EPHA6: variants seen among roughly 807,000 people sequenced by gnomAD.
EPHA6 encodes EPH receptor A6.
Under a neutral mutation model 112.0 loss-of-function variants are expected in EPHA6, and 50 were observed. The observed-to-expected ratio is 0.45, with a 90% CI of 0.36 to 0.56. EPHA6 has a LOEUF of 0.56. EPHA6 is among the 20% of genes least tolerant of loss of function. The pLI, the probability that EPHA6 is intolerant of heterozygous loss-of-function variation, is 0.00. For synonymous variants in EPHA6, 529 were observed against 490.7 expected, an observed-to-expected ratio of 1.08 and a Z score of -1.03; for missense variants, 1,280 against 1,417.4, an observed-to-expected ratio of 0.90 and a Z score of 1.56.
intron 1 of EPHA6, among the ~76,000 whole-genome samples, chr3:96,823,020 A>G (rs1471127655): frequency 6.6e-6 from 1 of 151,720 alleles, no homozygotes; most frequent in Non-Finnish European, 1.5e-5. Flanking sequence ...TTTCATTAAT[A>G]TATATTCTAA....
rs2036012525 is a variant in EPHA6, at chr3:97,755,812, A to G, written c.*7111A>G. On this transcript the variant is annotated 3_prime_UTR_variant, in exon 18 of 18. Transcript: ENST00000389672. ...GTAGCTCATCCTTAGAACAGTCTTA[A>G]TTTGGCTCTGTTCTATAAAGACTCA... 1.3e-5 allele frequency among the ~76,000 whole-genome samples: 2 copies of G among 152,064 alleles called. No homozygotes were observed. Among genetic ancestry groups the G allele is most frequent in the Admixed American group, 1.3e-4 (2 of 15,276 alleles).
intron 2 of EPHA6, among the ~76,000 whole-genome samples, chr3:96,961,779 A>C (rs982877755): frequency 6.6e-6 from 1 of 152,184 alleles, no homozygotes; most frequent in Non-Finnish European, 1.5e-5. Context: ...TAATACAAGC[A>C]CTAGGATGTC....
At chr3:97,314,104 A>T (rs2081691743) in intron 5 of EPHA6, among the ~76,000 whole-genome samples, 1 of 151,510 alleles carries the variant, frequency 6.6e-6, no homozygotes, top group African/African-American at 2.4e-5. Flanking sequence ...GTAAATATCC[A>T]GTTTGCCAAC....
chr3:96,916,250 A>G (rs1303769101), intron 2 of EPHA6, among the ~76,000 whole-genome samples: 1 of 152,144 alleles, frequency 6.6e-6, no homozygotes, highest in African/African-American at 2.4e-5. Flanking sequence ...GAGCCTTTGG[A>G]AAGTGATCAA....
At chr3:97,086,481 T>C (rs1394147422) in intron 3 of EPHA6, among the ~76,000 whole-genome samples, 2 of 152,098 alleles carry the variant, frequency 1.3e-5, no homozygotes, top group African/African-American at 4.8e-5. Flanking sequence ...ACATATTAAG[T>C]TTTTAATAAG....
chr3:96,951,638 C>G (rs1018199588), intron 2 of EPHA6, among the ~76,000 whole-genome samples: 1 of 152,022 alleles, frequency 6.6e-6, no homozygotes, highest in African/African-American at 2.4e-5. Context: ...CATATTATGT[C>G]CTTTATGGTC....
At chr3:97,331,363 T>C (rs931062471) in intron 5 of EPHA6, among the ~76,000 whole-genome samples, 1 of 151,592 alleles carries the variant, frequency 6.6e-6, no homozygotes, top group South Asian at 2.1e-4. Context: ...ACAAACACAT[T>C]CAAAAGCTAG....
chr3:96,895,531 G>A (rs1384533895), intron 2 of EPHA6, among the ~76,000 whole-genome samples: 1 of 152,164 alleles, frequency 6.6e-6, no homozygotes, highest in Non-Finnish European at 1.5e-5. Flanking sequence ...TTACAGGAAT[G>A]TCTTAGGCCT....
chr3:97,548,467 A>G (rs1278314962), intron 11 of EPHA6, among the ~76,000 whole-genome samples: 1 of 151,980 alleles, frequency 6.6e-6, no homozygotes, highest in African/African-American at 2.4e-5. Flanking sequence ...CAAATATCCT[A>G]TTTCTTCTCA....
chr3:97,515,699 A>G (rs2092436798), intron 10 of EPHA6, among the ~76,000 whole-genome samples: 1 of 152,174 alleles, frequency 6.6e-6, no homozygotes, highest in Non-Finnish European at 1.5e-5. Flanking sequence ...GAAACTATGA[A>G]TAACAGTATT....
chr3:97,448,590 C>A lies in EPHA6; in HGVS notation c.1754C>A (p.Ser585Tyr). ...CAGGAACATGAGCAGCTGACCTACT[C>A]TTCCACAAGGTCCAAAGCCCCCAGT... ...YEKEHEQLTY[S>Y]STRSKAPSVI... The change falls in exon 7 of 18, where the codon TCT (serine) becomes TAT (tyrosine). Residue 585 changes from serine to tyrosine, a missense_variant. By Grantham distance (144) the Ser-to-Tyr change is moderately radical. Coordinates refer to ENST00000389672, the MANE Select transcript of EPHA6 (RefSeq NM_001080448.3). 9 of 1,613,424 alleles carry A rather than the reference C, an allele frequency of 5.6e-6. No homozygotes were observed. In the South Asian group the frequency reaches 7.7e-5, roughly 14 times the overall value.
chr3:96,900,467 CT>C (rs143023427), intron 2 of EPHA6, among the ~76,000 whole-genome samples: 145 of 152,132 alleles, frequency 9.5e-4, no homozygotes, highest in African/African-American at 3.2e-3. Flanking sequence ...GCATGGATTA[CT>C]GAAAATAAAA....
At chr3:97,355,191 ATAG>A (rs1446869848) in intron 5 of EPHA6, among the ~76,000 whole-genome samples, 4 of 152,162 alleles carry the variant, frequency 2.6e-5, no homozygotes, top group Admixed American at 2.6e-4. Context: ...CTCAGCGGTA[ATAG>A]TAGGTACACA....
chr3:97,436,270 G>A (rs2089829028), intron 6 of EPHA6, among the ~76,000 whole-genome samples: 1 of 151,992 alleles, frequency 6.6e-6, no homozygotes, highest in African/African-American at 2.4e-5. Flanking sequence ...CTTTATTTTG[G>A]GGAGGAGAAA....
At chr3:97,707,052 T>C (rs1022331061) in intron 14 of EPHA6, among the ~76,000 whole-genome samples, 5 of 152,130 alleles carry the variant, frequency 3.3e-5, no homozygotes, top group African/African-American at 1.2e-4. Flanking sequence ...CTTTTTAAAT[T>C]GAAAATTTAG....
intron 6 of EPHA6, among the ~76,000 whole-genome samples, chr3:97,440,020 C>G (rs1423911440): frequency 1.3e-5 from 2 of 152,082 alleles, no homozygotes; most frequent in African/African-American, 4.8e-5. Context: ...TCCAGCACTC[C>G]TTTGTTTCAT....
chr3:97,182,646 A>G (rs563357979), intron 3 of EPHA6, among the ~76,000 whole-genome samples: 3 of 152,132 alleles, frequency 2.0e-5, no homozygotes, highest in Non-Finnish European at 2.9e-5. Flanking sequence ...TCTAGTTTCA[A>G]TCAGTCCTGA....
intron 3 of EPHA6, among the ~76,000 whole-genome samples, chr3:97,138,707 G>T (rs917964072): frequency 6.6e-6 from 1 of 152,212 alleles, no homozygotes; most frequent in African/African-American, 2.4e-5. Flanking sequence ...TCCAAATACA[G>T]AAAAGATCAT....
At chr3:97,222,002 T>G (rs2078217511) in intron 3 of EPHA6, among the ~76,000 whole-genome samples, 1 of 148,738 alleles carries the variant, frequency 6.7e-6, no homozygotes, top group African/African-American at 2.5e-5. Context: ...CACTCCAGCC[T>G]GGACAACAGA....
Sources: gnomAD v4.1 joint callset for allele counts (sites outside exome capture counted in the v4.1 genomes callset) on GRCh38, gnomAD v4.1.1 for gene constraint, MANE v1.5 for transcripts, NCBI Gene and HGNC (gene_info 2026-07-23, HGNC 2026-07-21) for gene names.